Variants in MYOM1 observed in about 807,000 individuals in gnomAD.
MYOM1 encodes myomesin-1.
MYOM1 carries 164 observed loss-of-function variants against 205.3 expected under a neutral mutation model. That is an observed-to-expected ratio of 0.80 (90% CI 0.70 to 0.91). The LOEUF is 0.91. Ranked by LOEUF, MYOM1 falls within the 40% of genes least tolerant of loss-of-function variation. MYOM1 has a pLI of 0.00. For missense variants in MYOM1, 2,011 were observed against 2,127.3 expected, an observed-to-expected ratio of 0.95 and a Z score of 1.08; for synonymous variants, 772 against 789.4, an observed-to-expected ratio of 0.98 and a Z score of 0.37.
chr18:3,070,693 T>C (rs950057721), intron 37 of MYOM1, among the ~76,000 whole-genome samples: 2 of 151,862 alleles, frequency 1.3e-5, no homozygotes, highest in Admixed American at 6.6e-5. Flanking sequence ...ACAGGTTACA[T>C]CAGTTTAAAA....
intron 35 of MYOM1, 32 bp from the exon 36 acceptor site, chr18:3,075,508 A>C: frequency 6.2e-7 from 1 of 1,610,206 alleles, no homozygotes. Context: ...AAACAGACGA[A>C]GAATTTTGTG....
chr18:3,166,349 C>T (rs760331989), intron 9 of MYOM1, among the ~76,000 whole-genome samples: 15 of 150,234 alleles, frequency 1.0e-4, no homozygotes, highest in Middle Eastern at 6.8e-3. Context: ...CAGCTCATTG[C>T]AACCTCCGCC....
intron 10 of MYOM1, among the ~76,000 whole-genome samples, chr18:3,155,369 C>G (rs1389748393): frequency 6.6e-6 from 1 of 152,104 alleles, no homozygotes; most frequent in Non-Finnish European, 1.5e-5. Context: ...CTACAGGCAC[C>G]CGCCACCACG....
intron 2 of MYOM1, among the ~76,000 whole-genome samples, chr18:3,206,401 T>A (rs1050042949): frequency 1.3e-5 from 2 of 152,234 alleles, no homozygotes; most frequent in African/African-American, 4.8e-5. Flanking sequence ...TTTCTGGGCC[T>A]CTTCTGGGCT....
chr18:3,135,778 G>A lies in MYOM1; in HGVS notation c.2026-48C>T, dbSNP rs2079950289. 5 of 1,601,562 alleles carry A rather than the reference G, an allele frequency of 3.1e-6. No homozygotes were observed. The highest frequency in any genetic ancestry group is 2.2e-5 in the South Asian group (2 of 90,170). On this transcript the variant is annotated intron_variant, in intron 14 of 37. Transcript: ENST00000356443. This position sits in a 1 kb window ranked among gnomAD's most constrained non-coding sequence, Gnocchi z 4.1. The stretch of plus-strand genomic sequence containing the variant: ...CATTGAAAGCACAGCAAACACAAGC[G>A]AGAATCCAGGCCAGGCAACTCCAAG...
Position 3,102,502 on chromosome 18 carries a change from G to A in MYOM1, c.3547C>T (p.Arg1183Ter), listed in dbSNP as rs369979714. ...TTGCCCTTGCTTTCGACTTCCAATC[G>A]TGGAGAGTCCTCAGTGGATACATAA... ...KDYVSTEDSP[R>*]LEVESKGNKT... The change falls in exon 23 of 38, where the codon CGA (arginine) becomes TGA (stop). Residue 1183 changes from arginine (R) to a stop codon, truncating the protein, a stop_gained. Coordinates refer to ENST00000356443, the MANE Select transcript of MYOM1 (RefSeq NM_003803.4). LOFTEE classifies it high-confidence loss of function. The A allele has an allele frequency of 1.8e-5, 29 of 1,612,318 alleles. No homozygotes were observed. Among genetic ancestry groups the A allele is most frequent in the Non-Finnish European group, 2.0e-5 (24 of 1,179,254 alleles).
chr18:3,136,218 CT>C lies in MYOM1; in HGVS notation c.2026-489del, dbSNP rs572120514. Among the ~76,000 whole-genome samples, 32 of 152,240 alleles carry C rather than the reference CT, an allele frequency of 2.1e-4. No homozygotes were observed. In the South Asian group the frequency reaches 5.4e-3, roughly 26 times the overall value. ...ATGGAACTGTGAGTCCATTAAACCTCTTTTTCTTTATAAATTACCCAGTCTC... is the reference window on the plus strand; with the variant it reads ...ATGGAACTGTGAGTCCATTAAACCTCTTTTCTTTATAAATTACCCAGTCTC... On this transcript the variant is annotated intron_variant, in intron 14 of 37. Coordinates refer to ENST00000356443, the MANE Select transcript of MYOM1 (RefSeq NM_003803.4).
upstream of MYOM1, among the ~76,000 whole-genome samples, chr18:3,223,419 A>G (rs371537312): frequency 1.4e-4 from 21 of 152,310 alleles, no homozygotes; most frequent in African/African-American, 5.1e-4. Context: ...AAAGCCATAA[A>G]TTTGCTGTAT....
intron 19 of MYOM1, among the ~76,000 whole-genome samples, chr18:3,125,783 T>A (rs1383727256): frequency 6.6e-6 from 1 of 152,140 alleles, no homozygotes; most frequent in African/African-American, 2.4e-5. Flanking sequence ...AGTCATCAGC[T>A]AAGGCAACAG....
intron 1 of MYOM1, 60 bp from the exon 2 acceptor site, chr18:3,215,311 C>T (rs1248941282): frequency 1.1e-5 from 14 of 1,282,298 alleles, no homozygotes; most frequent in Non-Finnish European, 1.4e-5. Flanking sequence ...TAGACCAAGT[C>T]ATCTAAATCA....
At chr18:3,230,169 T>TAA in the MYOM1 span, among the ~76,000 whole-genome samples, 1 of 152,182 alleles carries the variant, frequency 6.6e-6, no homozygotes, top group African/African-American at 2.4e-5. Flanking sequence ...GCTACCATTA[T>TAA]TTGAGACCTA....
chr18:3,102,055 G>A, intron 23 of MYOM1, among the ~76,000 whole-genome samples: 1 of 139,658 alleles, frequency 7.2e-6, no homozygotes, highest in Non-Finnish European at 1.5e-5. Context: ...AGGCTGGAGT[G>A]CAGTGGCGCG....
intron 14 of MYOM1, 125 bp downstream of exon 14, chr18:3,141,814 T>C: frequency 8.5e-7 from 1 of 1,183,170 alleles, no homozygotes. Flanking sequence ...TTGATAACAA[T>C]CTAGTGAGAT....
At chr18:3,133,260 C>T (rs934618224) in intron 16 of MYOM1, among the ~76,000 whole-genome samples, 39 of 152,054 alleles carry the variant, frequency 2.6e-4, no homozygotes, top group African/African-American at 2.7e-4. Context: ...TCTCACGTTC[C>T]GCAAAACCAA....
At position 3,094,289 on chromosome 18, in the gene MYOM1, C is replaced by T. The variant is rs7229433; in HGVS notation, c.3745G>A (p.Glu1249Lys). 6.2e-7 allele frequency: 1 copy of T among 1,612,516 alleles called. No homozygotes were observed. The change falls in exon 26 of 38, where the codon GAG becomes AAG. Residue 1249 changes from glutamate to lysine, a missense_variant. Coordinates refer to ENST00000356443, the MANE Select transcript of MYOM1 (RefSeq NM_003803.4). The stretch of plus-strand genomic sequence containing the variant: ...TTCTCCAAAATTTCAACTGCCAACT[C>T]TGATTTAACTGGGACAGCTATGAAA... ...HKFPTVPVKS[E>K]LAVEILEKGQ...
intron 12 of MYOM1, 62 bp downstream of exon 12, chr18:3,151,632 C>CT (rs1188696540): frequency 2.7e-5 from 38 of 1,430,244 alleles, no homozygotes; most frequent in Non-Finnish European, 3.3e-5. Flanking sequence ...TGCAATGAAG[C>CT]TGATTCTTGC....
rs1453143040 is a variant in MYOM1 at position 3,189,274 on chromosome 18, TAAC to T, written c.432-190_432-188del. On this transcript the variant is annotated intron_variant, in intron 3 of 37. Transcript: ENST00000356443. This position sits in a 1 kb window ranked among gnomAD's most constrained non-coding sequence, Gnocchi z 4.8. The stretch of plus-strand genomic sequence containing the variant: ...CAGAAGTATTCCTCACCTTAACAAA[TAAC>T]AACAATAATAACACCTATGATGGCC... Among the ~76,000 whole-genome samples, 1 of 151,948 alleles carries T rather than the reference TAAC, an allele frequency of 6.6e-6. No homozygotes were observed.
intron 22 of MYOM1, among the ~76,000 whole-genome samples, chr18:3,105,993 G>C (rs2079446915): frequency 6.6e-6 from 1 of 152,296 alleles, no homozygotes; most frequent in East Asian, 1.9e-4. Context: ...ACCAACTGTG[G>C]ATTGAAAATA....
intron 28 of MYOM1, 100 bp from the exon 29 acceptor site, chr18:3,089,341 T>C: frequency 1.0e-6 from 1 of 982,842 alleles, no homozygotes; most frequent in Non-Finnish European, 1.5e-6. Context: ...TGAAGTCAGA[T>C]TTTTAAAATT....
Sources: allele counts gnomAD v4.1 joint callset (sites outside exome capture counted in the v4.1 genomes callset), GRCh38; gene constraint gnomAD v4.1.1; non-coding constraint Gnocchi (gnomAD v3.1); transcripts MANE v1.5; gene names NCBI Gene and HGNC (gene_info 2026-07-23, HGNC 2026-07-21).